Variants in BCAS3 observed in about 807,000 individuals in gnomAD.
BCAS3 encodes the protein BCAS4/BCAS3 fusion.
In BCAS3, 53 loss-of-function variants were observed where a neutral mutation model predicts 116.1. The observed-to-expected ratio is 0.46, with a 90% CI of 0.37 to 0.57. BCAS3 has a LOEUF of 0.57. Ranked by LOEUF, BCAS3 falls within the 20% of genes least tolerant of loss-of-function variation. The probability of loss-of-function intolerance (pLI) is 0.00; values close to 1 mark genes in which losing one functional copy is unlikely to be tolerated. For missense variants in BCAS3, 917 were observed against 1,165.4 expected (o/e 0.79, Z 3.10); for synonymous variants, 391 against 408.2 (o/e 0.96, Z 0.51).
chr17:60,749,741 C>A (rs1025476985), intron 6 of BCAS3, among the ~76,000 whole-genome samples: 1 of 152,030 alleles, frequency 6.6e-6, no homozygotes, highest in South Asian at 2.1e-4. Flanking sequence ...TCTTCTTTCC[C>A]TCCCTTTCTT....
chr17:60,753,383 TTTTA>T (rs35459382), intron 6 of BCAS3, among the ~76,000 whole-genome samples: 11,421 of 135,508 alleles, frequency 0.084, 775 homozygotes, highest in African/African-American at 0.2. Context: ...TTGTCTCTTA[TTTTA>T]TTTATTTATT....
At chr17:61,322,832 G>GAC (rs2055377763) in intron 22 of BCAS3, among the ~76,000 whole-genome samples, 9 of 119,866 alleles carry the variant, frequency 7.5e-5, no homozygotes, top group African/African-American at 2.6e-4. Flanking sequence ...GAGAGAGACA[G>GAC]AGAGAGAGAG....
intron 14 of BCAS3, among the ~76,000 whole-genome samples, chr17:60,953,914 A>G (rs892314488): frequency 1.3e-5 from 2 of 151,880 alleles, no homozygotes; most frequent in African/African-American, 4.8e-5. Flanking sequence ...TTGTATTTTT[A>G]GTATAGATGG....
chr17:60,997,713 C>G (rs2063932587), intron 15 of BCAS3, among the ~76,000 whole-genome samples: 1 of 152,310 alleles, frequency 6.6e-6, no homozygotes, highest in South Asian at 2.1e-4. Flanking sequence ...TCTTCAGGTA[C>G]ACATTCAACC....
chr17:60,813,966 T>A (rs181863898), intron 7 of BCAS3, among the ~76,000 whole-genome samples: 1 of 152,234 alleles, frequency 6.6e-6, no homozygotes, highest in Admixed American at 6.5e-5. Context: ...TAATATAATG[T>A]CTCAGCTTTG....
In BCAS3 at chr17:61,188,880, G is replaced by A. The variant is rs1191946731; in HGVS notation, c.2425+104316G>A. 1.3e-5 allele frequency among the ~76,000 whole-genome samples: 2 copies of A among 152,210 alleles called. No homozygotes were observed. The highest frequency in any genetic ancestry group is 2.9e-5 in the Non-Finnish European group (2 of 68,022). On this transcript the variant is annotated intron_variant, in intron 22 of 23. Transcript: ENST00000407086. The surrounding 1 kb of genome is among the most constrained non-coding windows in gnomAD (Gnocchi z 4.0). ...AATCCCAGCACGTTGGGAGGCTGAG[G>A]TGGGAGGAGCCTGGGAGGTTGAGAC...
At chr17:60,814,304 T>TGCGCACGCGC (rs59755143) in intron 7 of BCAS3, among the ~76,000 whole-genome samples, 1 of 136,704 alleles carries the variant, frequency 7.3e-6, no homozygotes, top group South Asian at 2.1e-4. Flanking sequence ...TGTGTGTGTG[T>TGCGCACGCGC]GTGCGCGCGT....
chr17:60,959,277 A>T (rs2061300117), intron 14 of BCAS3, among the ~76,000 whole-genome samples: 1 of 152,098 alleles, frequency 6.6e-6, no homozygotes, highest in African/African-American at 2.4e-5. Context: ...ACTGCACTCC[A>T]GCCTGGGAAA....
At chr17:60,797,165 G>A (rs1461660753) in intron 6 of BCAS3, among the ~76,000 whole-genome samples, 1 of 151,944 alleles carries the variant, frequency 6.6e-6, no homozygotes, top group Non-Finnish European at 1.5e-5. Context: ...CAGAGTGCTG[G>A]GATTACAAGC....
At chr17:60,732,482 CT>C (rs1488906246) in intron 5 of BCAS3, among the ~76,000 whole-genome samples, 2 of 152,186 alleles carry the variant, frequency 1.3e-5, no homozygotes, top group Non-Finnish European at 2.9e-5. Context: ...CAAGATGCTG[CT>C]TACCACCTTG....
rs558273934 is a variant in BCAS3 at position 60,805,857 on chromosome 17, G to GTTT, written c.404-2130_404-2128dup. ...AAAAAAGAGAAGTGACTCAGCCTAA[G>GTTT]TTTTTTTTTTTTTTTTTTTGAGACG... On this transcript the variant is annotated intron_variant, in intron 6 of 23. Coordinates refer to ENST00000407086, the MANE Select transcript of BCAS3 (RefSeq NM_017679.5). Among the ~76,000 whole-genome samples, 57 of 122,122 alleles carry GTTT rather than the reference G, an allele frequency of 4.7e-4. 2 individuals carry two copies. Among genetic ancestry groups the GTTT allele is most frequent in the African/African-American group, 1.5e-3 (45 of 29,992 alleles). The allele number at this position is 122,122 out of a possible 152,430, so 80.1% of individuals were successfully genotyped here.
At position 61,316,673 on chromosome 17, in the gene BCAS3, A is replaced by G. The variant is rs1330053552; in HGVS notation, c.2426-51654A>G. 6.6e-6 allele frequency among the ~76,000 whole-genome samples: 1 copy of G among 152,186 alleles called. No homozygotes were observed. Among genetic ancestry groups the G allele is most frequent in the African/African-American group, 2.4e-5 (1 of 41,446 alleles). On this transcript the variant is annotated intron_variant, in intron 22 of 23. Coordinates refer to ENST00000407086, the MANE Select transcript of BCAS3 (RefSeq NM_017679.5). The surrounding 1 kb of genome is among the most constrained non-coding windows in gnomAD (Gnocchi z 5.8). ...AGAGAGGGAAGGAGAAGGAGGATAA[A>G]ATAAAAGGAAAAGAAGAGGTATGAA...
At chr17:61,116,756 T>C (rs1294614842) in intron 22 of BCAS3, among the ~76,000 whole-genome samples, 2 of 152,180 alleles carry the variant, frequency 1.3e-5, no homozygotes, top group Non-Finnish European at 1.5e-5. Flanking sequence ...TATGGCTGGG[T>C]ATAGGATTCA....
intron 7 of BCAS3, among the ~76,000 whole-genome samples, chr17:60,832,369 T>C (rs1396561892): frequency 3.9e-5 from 6 of 152,206 alleles, no homozygotes; most frequent in Non-Finnish European, 7.3e-5. Flanking sequence ...AATTCTCTGA[T>C]GTGGCAAACG....
chr17:61,066,770 G>A (rs1443806230), intron 19 of BCAS3, among the ~76,000 whole-genome samples: 2 of 151,852 alleles, frequency 1.3e-5, no homozygotes, highest in Admixed American at 1.3e-4. Context: ...TCATTCTTTT[G>A]GGGGAAAAAT....
chr17:60,792,838 T>C (rs2046894805), intron 6 of BCAS3, among the ~76,000 whole-genome samples: 1 of 152,186 alleles, frequency 6.6e-6, no homozygotes, highest in South Asian at 2.1e-4. Flanking sequence ...AAACCCCTTT[T>C]CTTTAGACTA....
chr17:61,085,261 A>T (rs1454825668), intron 22 of BCAS3, among the ~76,000 whole-genome samples: 1 of 152,218 alleles, frequency 6.6e-6, no homozygotes, highest in Non-Finnish European at 1.5e-5. Context: ...TTTATAGTGC[A>T]GCTGGGGAGC....
At chr17:61,070,026 G>A (rs763799210) in intron 19 of BCAS3, 1 of 1,595,786 alleles carries the variant, frequency 6.3e-7, no homozygotes, top group Non-Finnish European at 8.5e-7. Flanking sequence ...CGAAGACACT[G>A]CGACTCTGGA....
At chr17:60,847,230 A>T (rs1179813058) in intron 7 of BCAS3, among the ~76,000 whole-genome samples, 1 of 152,226 alleles carries the variant, frequency 6.6e-6, no homozygotes, top group East Asian at 1.9e-4. Flanking sequence ...TTATCCATTC[A>T]TCTGTTGAGA....
Sources: gnomAD v4.1 joint callset for allele counts (sites outside exome capture counted in the v4.1 genomes callset) on GRCh38, gnomAD v4.1.1 for gene constraint, Gnocchi (gnomAD v3.1) non-coding constraint, MANE v1.5 for transcripts, NCBI Gene and HGNC (gene_info 2026-07-23, HGNC 2026-07-21) for gene names.